Variants in PEBP4 observed in about 807,000 individuals in gnomAD.
The protein encoded by PEBP4 is phosphatidylethanolamine-binding protein 4.
PEBP4 carries 22 observed loss-of-function variants against 23.9 expected under a neutral mutation model. The ratio of observed to expected loss-of-function variants is 0.92; its 90% CI spans 0.66 to 1.31. PEBP4 has a LOEUF of 1.31. Among genes scored for constraint, PEBP4 ranks in the 40% most tolerant of loss-of-function variants. The pLI is 0.00. For missense variants in PEBP4, 324 were observed against 281.7 expected (o/e 1.15, Z -1.07); for synonymous variants, 112 against 99.3 (o/e 1.13, Z -0.76).
At position 22,937,969 on chromosome 8, in the gene PEBP4, A is replaced by C. The variant is rs1809561797; in HGVS notation, c.145-10249T>G. Among the ~76,000 whole-genome samples the C allele has an allele frequency of 2.6e-5, 4 of 152,222 alleles. No homozygotes were observed. In the South Asian group the frequency reaches 8.3e-4, roughly 31 times the overall value. ...TCAAGATCTAAATGTAAGAGCTGAA[A>C]CCACAAAACTCTTAGAATAAAACAC... On this transcript the variant is annotated intron_variant, in intron 1 of 1. Transcript: ENST00000522278.
upstream of PEBP4, among the ~76,000 whole-genome samples, chr8:22,932,541 A>C (rs541433674): frequency 1.9e-4 from 29 of 151,814 alleles, no homozygotes; most frequent in East Asian, 5.8e-4. Context: ...ACACACACAC[A>C]CCCCCAGAGA....
intron 4 of PEBP4, among the ~76,000 whole-genome samples, chr8:22,797,764 C>G (rs1201111766): frequency 2.6e-5 from 4 of 152,134 alleles, no homozygotes; most frequent in African/African-American, 9.7e-5. Flanking sequence ...CACGACTGTT[C>G]ACTGACTTTG....
chr8:22,823,543 C>CTATA, intron 3 of PEBP4, among the ~76,000 whole-genome samples: 1 of 150,802 alleles, frequency 6.6e-6, no homozygotes, highest in South Asian at 2.1e-4. Context: ...ATATATCTAA[C>CTATA]TATATATATA....
chr8:22,880,333 G>A (rs1808221365), intron 3 of PEBP4, among the ~76,000 whole-genome samples: 4 of 152,186 alleles, frequency 2.6e-5, no homozygotes, highest in African/African-American at 7.2e-5. Flanking sequence ...CAAATGACAT[G>A]AGAACTTGCT....
intron 4 of PEBP4, among the ~76,000 whole-genome samples, chr8:22,783,555 C>T (rs1382686712): frequency 6.6e-6 from 1 of 152,214 alleles, no homozygotes; most frequent in East Asian, 1.9e-4. Flanking sequence ...AACCAGATTC[C>T]AGGATTCAGC....
chr8:22,938,159 A>G (rs982176624), intron 1 of PEBP4, among the ~76,000 whole-genome samples: 1 of 150,370 alleles, frequency 6.7e-6, no homozygotes, highest in Admixed American at 6.6e-5. Context: ...AGAATGAGAG[A>G]AAAAAAAAAT....
intron 3 of PEBP4, among the ~76,000 whole-genome samples, chr8:22,888,680 C>T (rs1300367746): frequency 6.6e-6 from 1 of 152,246 alleles, no homozygotes; most frequent in Non-Finnish European, 1.5e-5. Flanking sequence ...TAATTTCATG[C>T]TATTCCTGTG....
At chr8:22,713,726 C>G (rs1034918995) in intron 6 of PEBP4, among the ~76,000 whole-genome samples, 190 bp from the exon 7 acceptor site, 11 of 152,214 alleles carry the variant, frequency 7.2e-5, no homozygotes, top group Admixed American at 4.6e-4. Flanking sequence ...AGCAGAGCCT[C>G]TGAACAGCAG....
At chr8:22,752,579 GT>G (rs1490156958) in intron 4 of PEBP4, among the ~76,000 whole-genome samples, 1 of 152,164 alleles carries the variant, frequency 6.6e-6, no homozygotes, top group Non-Finnish European at 1.5e-5. Context: ...GGAGAGTGGG[GT>G]GAACTAGAAA....
At chr8:22,726,777 G>C (rs1424546222) in intron 5 of PEBP4, among the ~76,000 whole-genome samples, 3 of 152,096 alleles carry the variant, frequency 2.0e-5, no homozygotes, top group Admixed American at 1.3e-4. Context: ...CCAGTGCTGT[G>C]CCAGAGGCCA....
intron 3 of PEBP4, among the ~76,000 whole-genome samples, chr8:22,876,211 G>A (rs548413003): frequency 5.9e-5 from 9 of 152,202 alleles, no homozygotes; most frequent in South Asian, 2.1e-4. Context: ...GGGCCTGGCC[G>A]ACAGATGTCA....
intron 4 of PEBP4, among the ~76,000 whole-genome samples, chr8:22,747,073 C>T (rs550245744): frequency 1.3e-5 from 2 of 152,198 alleles, no homozygotes; most frequent in Admixed American, 6.5e-5. Flanking sequence ...AGGTGATCCT[C>T]CTGCCCTGGC....
At chr8:22,831,995 T>C (rs1030413242) in intron 3 of PEBP4, among the ~76,000 whole-genome samples, 1 of 151,922 alleles carries the variant, frequency 6.6e-6, no homozygotes, top group African/African-American at 2.4e-5. Flanking sequence ...GCTGACATGA[T>C]CAGGGCTGGA....
chr8:22,919,875 A>G (rs1380631581), intron 3 of PEBP4, among the ~76,000 whole-genome samples: 1 of 152,076 alleles, frequency 6.6e-6, no homozygotes. Context: ...GCTGGTCTCC[A>G]CCAGGCTTGG....
chr8:22,768,217 G>T (rs1342718898), intron 4 of PEBP4, among the ~76,000 whole-genome samples: 1 of 152,144 alleles, frequency 6.6e-6, no homozygotes. Context: ...CCCCTGAAGT[G>T]ACTGCCCACG....
intron 4 of PEBP4, among the ~76,000 whole-genome samples, chr8:22,812,961 T>C (rs989367749): frequency 6.6e-6 from 1 of 152,000 alleles, no homozygotes; most frequent in Non-Finnish European, 1.5e-5. Flanking sequence ...GTTGCAGTCT[T>C]AGAGAGGTCA....
At chr8:22,819,174 G>A (rs1418191891) in intron 3 of PEBP4, among the ~76,000 whole-genome samples, 6 of 152,148 alleles carry the variant, frequency 3.9e-5, no homozygotes, top group African/African-American at 1.2e-4. Flanking sequence ...TGGCTGAACT[G>A]TAAAACATGC....
intron 4 of PEBP4, chr8:22,756,990 C>T (rs1805397583): frequency 6.6e-6 from 1 of 152,206 alleles, no homozygotes; most frequent in African/African-American, 2.4e-5. Flanking sequence ...CCAGCTATCC[C>T]CACTGCAGAA....
intron 4 of PEBP4, among the ~76,000 whole-genome samples, chr8:22,733,219 C>A (rs1164017432): frequency 6.6e-6 from 1 of 152,152 alleles, no homozygotes; most frequent in East Asian, 1.9e-4. Context: ...CTACACCCTA[C>A]CCATCTTTGT....
Sources: gnomAD v4.1 joint callset for allele counts (sites outside exome capture counted in the v4.1 genomes callset) on GRCh38, gnomAD v4.1.1 for gene constraint, MANE v1.5 for transcripts, NCBI Gene and HGNC (gene_info 2026-07-23, HGNC 2026-07-21) for gene names.